The following MTMR3 variants were observed in gnomAD, a reference collection of about 807,000 sequenced individuals.
MTMR3 encodes the protein phosphatidylinositol-3,5-bisphosphate 3-phosphatase MTMR3.
Under a neutral mutation model 132.4 loss-of-function variants are expected in MTMR3, and 32 were observed. The ratio of observed to expected loss-of-function variants is 0.24; its 90% CI spans 0.18 to 0.32. The LOEUF is 0.32. Ranked by LOEUF, MTMR3 falls within the 10% of genes least tolerant of loss-of-function variation. MTMR3 has a pLI of 1.00. For synonymous variants in MTMR3, 556 were observed against 550.3 expected, an observed-to-expected ratio of 1.01 and a Z score of -0.14; for missense variants, 1,216 against 1,489.6, an observed-to-expected ratio of 0.82 and a Z score of 3.02.
rs137972741 is a variant in MTMR3 at position 30,008,483 on chromosome 22, A to G, written c.1009+451A>G. On this transcript the variant is annotated intron_variant, in intron 11 of 19. Coordinates refer to ENST00000401950, the MANE Select transcript of MTMR3 (RefSeq NM_021090.4). ...AGTAAATACAGAACCCTAGTAAGGT[A>G]TCTCTGTCCTGAGCTGTAACACCAT... 1.5e-3 allele frequency: 240 copies of G among 165,382 alleles called. 2 individuals carry two copies. Among genetic ancestry groups the G allele is most frequent in the South Asian group, 0.012 (76 of 6,492 alleles). 10.2% of individuals were successfully genotyped at this position (165,382 alleles called of 1,614,324 possible).
intron 1 of MTMR3, among the ~76,000 whole-genome samples, chr22:29,914,379 A>C (rs2065270656): frequency 6.6e-6 from 1 of 152,022 alleles, no homozygotes; most frequent in Non-Finnish European, 1.5e-5. Flanking sequence ...TCATGTGCTT[A>C]TTTGCCATTT....
intron 13 of MTMR3, 98 bp downstream of exon 13, chr22:30,012,661 A>G: frequency 7.7e-7 from 1 of 1,296,572 alleles, no homozygotes; most frequent in Non-Finnish European, 1.1e-6. Flanking sequence ...TCGGTTAAAG[A>G]AAGTGAAATT....
At chr22:29,982,101 C>A (rs1569035208) in intron 5 of MTMR3, 1 of 150,294 alleles carries the variant, frequency 6.7e-6, no homozygotes, top group East Asian at 2.0e-4. Context: ...CCCAGCTACT[C>A]AGGAGGCTGA....
chr22:29,995,183 T>C (rs910614547), intron 7 of MTMR3: 4 of 152,336 alleles, frequency 2.6e-5, no homozygotes, highest in African/African-American at 9.6e-5. Context: ...TTAACACTGC[T>C]GTGAAGCTGC....
At chr22:29,888,494 G>A (rs1248431728) in intron 1 of MTMR3, among the ~76,000 whole-genome samples, 1 of 152,132 alleles carries the variant, frequency 6.6e-6, no homozygotes, top group Non-Finnish European at 1.5e-5. Context: ...TGTGAAGGTG[G>A]GTTACCTTAA....
chr22:29,948,545 G>C (rs1409639956), intron 1 of MTMR3, among the ~76,000 whole-genome samples: 2 of 152,152 alleles, frequency 1.3e-5, no homozygotes, highest in African/African-American at 4.8e-5. Context: ...GGAATGGCAT[G>C]CTTATTTATA....
chr22:29,893,296 T>C (rs374103825), intron 1 of MTMR3, among the ~76,000 whole-genome samples: 3 of 152,334 alleles, frequency 2.0e-5, no homozygotes, highest in African/African-American at 7.2e-5. Flanking sequence ...TAAGATACTT[T>C]CATGGTGACA....
intron 1 of MTMR3, among the ~76,000 whole-genome samples, chr22:29,889,319 G>A (rs1490858824): frequency 4.6e-5 from 6 of 130,078 alleles, no homozygotes; most frequent in Non-Finnish European, 7.8e-5. Context: ...ATGGCGTCTC[G>A]CTCTGTCACT....
At chr22:29,895,716 G>C (rs1340028637) in intron 1 of MTMR3, among the ~76,000 whole-genome samples, 2 of 152,172 alleles carry the variant, frequency 1.3e-5, no homozygotes, top group Non-Finnish European at 2.9e-5. Context: ...CTTCTCAGAT[G>C]TATTGGTTTT....
chr22:30,016,808 C>T lies in MTMR3; in HGVS notation c.1674+110C>T, dbSNP rs944694660. The T allele has an allele frequency of 8.8e-6, 11 of 1,249,276 alleles. No individual in the cohort carries two copies. In the African/African-American group the frequency reaches 1.1e-4, roughly 12 times the overall value. 77.4% of individuals were successfully genotyped at this position (1,249,276 alleles called of 1,614,324 possible). On this transcript the variant is annotated intron_variant, in intron 15 of 19. Coordinates refer to ENST00000401950, the MANE Select transcript of MTMR3 (RefSeq NM_021090.4). ...GTTTTTGTGAAGACATCTCTACTGT[C>T]TCTGGATGGACTGGTTCCATTTTTC...
chr22:29,917,030 C>G lies in MTMR3; in HGVS notation c.-138+33671C>G, dbSNP rs564419986. Among the ~76,000 whole-genome samples the G allele has an allele frequency of 5.9e-5, 9 of 152,282 alleles. No individual in the cohort carries two copies. The South Asian group carries it at 1.9e-3, about 32-fold the overall frequency. ...TTCTACAATATCCCAATATCTTCAG[C>G]AAAGGATTCTGTATTGGCTCCCACC... On this transcript the variant is annotated intron_variant, in intron 1 of 19. Transcript: ENST00000401950.
At chr22:30,000,715 C>CT (rs1263631577) in intron 8 of MTMR3, 1 of 152,190 alleles carries the variant, frequency 6.6e-6, no homozygotes, top group Non-Finnish European at 1.5e-5. Context: ...ACTTTTTATA[C>CT]TTTTGCCTGT....
intron 15 of MTMR3, chr22:30,017,039 A>G (rs2067609985): frequency 5.0e-6 from 1 of 201,198 alleles, no homozygotes; most frequent in African/African-American, 2.3e-5. Context: ...TGATGCACTG[A>G]TAGCTCAGAA....
chr22:29,976,297 T>G (rs2066628390), intron 3 of MTMR3, among the ~76,000 whole-genome samples: 1 of 152,172 alleles, frequency 6.6e-6, no homozygotes. Flanking sequence ...ACTGTTTGTT[T>G]TTTTCCTAAT....
chr22:30,019,591 C>T lies in MTMR3; in HGVS notation c.1932C>T (p.His644=), dbSNP rs766267741. 1 of 1,613,938 alleles carries T rather than the reference C, an allele frequency of 6.2e-7. No homozygotes were observed. Among genetic ancestry groups the T allele is most frequent in the South Asian group, 1.1e-5 (1 of 91,086 alleles). ...DPSLNEKWQE[H]RRSLELSSLA... ...GCCTGAACGAGAAGTGGCAGGAGCA[C>T]CGGCGCTCACTAGAGCTGAGCAGCC... The change falls in exon 17 of 20, where the codon CAC becomes CAT. Residue 644 remains histidine (H), a synonymous_variant. Transcript: ENST00000401950.
chr22:29,999,884 T>C (rs1807509), intron 8 of MTMR3: 120,493 of 151,946 alleles, frequency 0.79, 48,352 homozygotes, highest in African/African-American at 0.92. Context: ...TGGTGGTGCA[T>C]GCCTGTAGTC....
At chr22:29,901,165 A>G (rs926825069) in intron 1 of MTMR3, among the ~76,000 whole-genome samples, 3 of 152,054 alleles carry the variant, frequency 2.0e-5, no homozygotes, top group Non-Finnish European at 4.4e-5. Flanking sequence ...GATTCTGGAA[A>G]AGATTGATGT....
chr22:29,913,488 T>TAAAAAATCAGC (rs1350798258), intron 1 of MTMR3, among the ~76,000 whole-genome samples: 3 of 152,180 alleles, frequency 2.0e-5, no homozygotes, highest in Non-Finnish European at 4.4e-5. Flanking sequence ...GCCACATGGT[T>TAAAAAATCAGC]AAAAAATCAG....
intron 1 of MTMR3, among the ~76,000 whole-genome samples, chr22:29,885,947 G>C (rs1427229723): frequency 6.6e-6 from 1 of 152,150 alleles, no homozygotes; most frequent in Non-Finnish European, 1.5e-5. Flanking sequence ...GAGTAGTGAA[G>C]GGCTTTGGTA....
Sources: gnomAD v4.1 joint callset for allele counts (sites outside exome capture counted in the v4.1 genomes callset) on GRCh38, gnomAD v4.1.1 for gene constraint, MANE v1.5 for transcripts, NCBI Gene and HGNC (gene_info 2026-07-23, HGNC 2026-07-21) for gene names.